The following SETD7 variants were observed in gnomAD, a reference collection of about 807,000 sequenced individuals.
SETD7 encodes histone-lysine N-methyltransferase SETD7.
In SETD7, 16 loss-of-function variants were observed where a neutral mutation model predicts 41.8. The ratio of observed to expected loss-of-function variants is 0.38; its 90% CI spans 0.26 to 0.58. SETD7 has a LOEUF of 0.58. Ranked by LOEUF, SETD7 falls within the 20% of genes least tolerant of loss-of-function variation. The pLI, the probability that SETD7 is intolerant of heterozygous loss-of-function variation, is 0.64. For synonymous variants in SETD7, 163 were observed against 169.7 expected (o/e 0.96, Z 0.31); for missense variants, 346 against 459.7 (o/e 0.75, Z 2.26).
chr4:139,555,875 G>A lies in SETD7; in HGVS notation c.40+223C>T, dbSNP rs1728252916. ...CGGCCGTGCGTTTCCAGCGCCCCCGGCCTGGCGGAGCCCCATTCTCGGCCT... is the reference window on the plus strand; with the variant it reads ...CGGCCGTGCGTTTCCAGCGCCCCCGACCTGGCGGAGCCCCATTCTCGGCCT... On this transcript the variant is annotated intron_variant, in intron 1 of 7. Coordinates refer to ENST00000274031, the MANE Select transcript of SETD7 (RefSeq NM_030648.4). The surrounding 1 kb of genome is among the most constrained non-coding windows in gnomAD (Gnocchi z 4.0). Among the ~76,000 whole-genome samples, 1 of 152,000 alleles carries A rather than the reference G, an allele frequency of 6.6e-6. No homozygotes were observed.
chr4:139,502,342 G>C (rs368210049), downstream of SETD7, among the ~76,000 whole-genome samples: 1 of 152,196 alleles, frequency 6.6e-6, no homozygotes, highest in Non-Finnish European at 1.5e-5. Context: ...ATAAAGGAGG[G>C]TAAAGTGGCC....
rs991927276 is a variant in SETD7 at position 139,555,431 on chromosome 4, G to T, written c.40+667C>A. Among the ~76,000 whole-genome samples the T allele has an allele frequency of 7.2e-5, 11 of 152,192 alleles. No homozygotes were observed. In the Middle Eastern group the frequency reaches 0.01, roughly 141 times the overall value. On this transcript the variant is annotated intron_variant, in intron 1 of 7. Transcript: ENST00000274031. The surrounding 1 kb of genome is among the most constrained non-coding windows in gnomAD (Gnocchi z 4.0). ...AAGGGGGAGGGGGAGGCCTGACTGAGTTCGCTCGGGGGCAGCTGAGGGGAG... is the reference window on the plus strand; with the variant it reads ...AAGGGGGAGGGGGAGGCCTGACTGATTTCGCTCGGGGGCAGCTGAGGGGAG...
In SETD7 at chr4:139,499,309, C is replaced by T. The variant is rs180807612; in HGVS notation, c.921-2788G>A. 4.9e-4 allele frequency among the ~76,000 whole-genome samples: 74 copies of T among 152,292 alleles called. 1 individual carries two copies. In the South Asian group the frequency reaches 8.9e-3, roughly 18 times the overall value. On this transcript the variant is annotated intron_variant, in intron 7 of 7. Transcript: ENST00000506866. ...GAATTTGTAAAGACTAACAAGAGGA[C>T]GCAAGGTTAGAATTATGGTAGAGGC...
At chr4:139,550,383 G>C (rs994657845) in intron 1 of SETD7, among the ~76,000 whole-genome samples, 1 of 152,166 alleles carries the variant, frequency 6.6e-6, no homozygotes, top group Non-Finnish European at 1.5e-5. Context: ...TCTATTCGAC[G>C]ACAGCAGGAG....
In SETD7 at chr4:139,555,975, G is replaced by C; in HGVS notation, c.40+123C>G. Reference sequence around the variant, plus strand: ...GGCCCCCGCCCGAGCCGGGCAACCGGCCACCCGTGTAGGGGACAGTGGCGG... The same window carrying C: ...GGCCCCCGCCCGAGCCGGGCAACCGCCCACCCGTGTAGGGGACAGTGGCGG... On this transcript the variant is annotated intron_variant, in intron 1 of 7. Coordinates refer to ENST00000274031, the MANE Select transcript of SETD7 (RefSeq NM_030648.4). The surrounding 1 kb of genome is among the most constrained non-coding windows in gnomAD (Gnocchi z 4.0). 2 of 891,068 alleles carry C rather than the reference G, an allele frequency of 2.2e-6. No homozygotes were observed. The highest frequency in any genetic ancestry group is 3.0e-6 in the Non-Finnish European group (2 of 663,208). The allele number at this position is 891,068 out of a possible 1,614,324, so 55.2% of individuals were successfully genotyped here.
intron 4 of SETD7, among the ~76,000 whole-genome samples, chr4:139,525,671 C>T (rs756973859): frequency 1.3e-5 from 2 of 152,078 alleles, no homozygotes; most frequent in Non-Finnish European, 2.9e-5. Flanking sequence ...GCTGGTGAGG[C>T]GACAGGTCAA....
In SETD7 at chr4:139,529,012, T is replaced by C. The variant is rs759630575; in HGVS notation, c.562+19A>G. On this transcript the variant is annotated intron_variant, in intron 4 of 7. Transcript: ENST00000274031. Reference sequence around the variant, plus strand: ...TGCTTTGGAATTGGAGCAACCCATCTGAAGCAGATTCAACTTACTTCCAGG... The same window carrying C: ...TGCTTTGGAATTGGAGCAACCCATCCGAAGCAGATTCAACTTACTTCCAGG... The C allele has an allele frequency of 1.2e-5, 20 of 1,609,886 alleles. No individual in the cohort carries two copies. In the Admixed American group the frequency reaches 2.5e-4, roughly 20 times the overall value.
At chr4:139,503,744 G>A (rs1003007494), downstream of SETD7, among the ~76,000 whole-genome samples, 3 of 152,092 alleles carry the variant, frequency 2.0e-5, no homozygotes, top group Non-Finnish European at 2.9e-5. Context: ...TGATGCAGAT[G>A]AGGCAGACAC....
chr4:139,517,244 G>A (rs879424515), intron 7 of SETD7, among the ~76,000 whole-genome samples: 12 of 152,160 alleles, frequency 7.9e-5, no homozygotes, highest in Admixed American at 2.0e-4. Context: ...GGAGGCCGAG[G>A]CTGGTGGATC....
intron 2 of SETD7, among the ~76,000 whole-genome samples, chr4:139,545,554 T>C (rs901272079): frequency 7.9e-5 from 12 of 152,162 alleles, no homozygotes; most frequent in Non-Finnish European, 1.8e-4. Context: ...AAAGGTGGGG[T>C]TGGGGGCAAC....
In SETD7 at chr4:139,556,151, ACTGCCCAGCTCGGGGCTGCGCGG is replaced by A. The variant is rs1025244519; in HGVS notation, c.-37_-15del. ...GTCGCTATCCATGGCGGCTGGGGAC[ACTGCCCAGCTCGGGGCTGCGCGG>A]CTGCCTCCCGTCCCTCTGGGTGCTC... On this transcript the variant is annotated 5_prime_UTR_variant, in exon 1 of 8. Coordinates refer to ENST00000274031, the MANE Select transcript of SETD7 (RefSeq NM_030648.4). The A allele has an allele frequency of 1.9e-6, 3 of 1,594,440 alleles. No individual in the cohort carries two copies. The highest frequency in any genetic ancestry group is 2.7e-5 in the African/African-American group (2 of 73,854).
intron 1 of SETD7, among the ~76,000 whole-genome samples, chr4:139,550,879 CA>C (rs1728091405): frequency 6.6e-6 from 1 of 152,090 alleles, no homozygotes; most frequent in Admixed American, 6.6e-5. Flanking sequence ...ATGAAGACAC[CA>C]ATGCTTTATG....
intron 2 of SETD7, among the ~76,000 whole-genome samples, chr4:139,544,979 G>T (rs937311296): frequency 2.0e-5 from 3 of 152,118 alleles, no homozygotes; most frequent in Non-Finnish European, 2.9e-5. Flanking sequence ...CACAGATTCT[G>T]CCCTCAAGGA....
chr4:139,549,163 T>C (rs1475980080), intron 1 of SETD7, among the ~76,000 whole-genome samples: 1 of 152,254 alleles, frequency 6.6e-6, no homozygotes, highest in African/African-American at 2.4e-5. Context: ...TTTAGCCTCA[T>C]ACTAGAGCAT....
rs1286342508 is a variant in SETD7 at position 139,506,785 on chromosome 4, G to A, written c.*4878C>T. On this transcript the variant is annotated 3_prime_UTR_variant, in exon 8 of 8. Coordinates refer to ENST00000274031, the MANE Select transcript of SETD7 (RefSeq NM_030648.4). The stretch of plus-strand genomic sequence containing the variant: ...AATAACATAAGAGTCAGGAGAGTTG[G>A]GAGGTATGTCCTAGGGATGTGATTG... The A allele has an allele frequency of 6.6e-6, 1 of 152,614 alleles. No homozygotes were observed. Among genetic ancestry groups the A allele is most frequent in the Non-Finnish European group, 1.5e-5 (1 of 68,032 alleles). 9.5% of individuals were successfully genotyped at this position (152,614 alleles called of 1,614,324 possible).
intron 2 of SETD7, among the ~76,000 whole-genome samples, chr4:139,545,028 A>G (rs570868233): frequency 3.3e-5 from 5 of 152,280 alleles, no homozygotes; most frequent in Admixed American, 2.0e-4. Context: ...ATTTACATAA[A>G]TATGTACTTG....
intron 6 of SETD7, among the ~76,000 whole-genome samples, chr4:139,519,526 C>T (rs374174717): frequency 1.1e-4 from 17 of 152,214 alleles, no homozygotes; most frequent in African/African-American, 1.9e-4. Flanking sequence ...TTGAATACGT[C>T]GCCCTCTTTT....
chr4:139,530,038 T>C (rs1431406454), intron 3 of SETD7, among the ~76,000 whole-genome samples: 2 of 152,244 alleles, frequency 1.3e-5, no homozygotes, highest in Non-Finnish European at 2.9e-5. Flanking sequence ...CATATAATTC[T>C]ATACCTTGAT....
At position 139,509,581 on chromosome 4, in the gene SETD7, C is replaced by T. The variant is rs1726811930; in HGVS notation, c.*2082G>A. On this transcript the variant is annotated 3_prime_UTR_variant, in exon 8 of 8. Coordinates refer to ENST00000274031, the MANE Select transcript of SETD7 (RefSeq NM_030648.4). ...TCGGGGGCATGACCAGCACTATCCT[C>T]TCCCTGACCGTATTCCCTGACCTGG... 1 of 370,410 alleles carries T rather than the reference C, an allele frequency of 2.7e-6. No individual in the cohort carries two copies. The highest frequency in any genetic ancestry group is 3.7e-6 in the Non-Finnish European group (1 of 267,990). The allele number at this position is 370,410 out of a possible 1,614,324, so 22.9% of individuals were successfully genotyped here.
Sources: gnomAD v4.1 joint callset for allele counts (sites outside exome capture counted in the v4.1 genomes callset) on GRCh38, gnomAD v4.1.1 for gene constraint, Gnocchi (gnomAD v3.1) non-coding constraint, MANE v1.5 for transcripts, NCBI Gene and HGNC (gene_info 2026-07-23, HGNC 2026-07-21) for gene names.